Variants in NLRP4 observed in about 807,000 individuals in gnomAD.
NLRP4 encodes the protein NLR family pyrin domain containing 4, also known as NACHT, LRR and PYD domains-containing protein 4.
A neutral mutation model predicts 84.7 loss-of-function variants in NLRP4; 44 were observed. That is an observed-to-expected ratio of 0.52 (90% CI 0.41 to 0.67). The LOEUF (loss-of-function observed/expected upper bound fraction) is 0.67, where lower values mean the gene tolerates loss of function less well. NLRP4 is among the 30% of genes least tolerant of loss of function. The pLI, the probability that NLRP4 is intolerant of heterozygous loss-of-function variation, is 0.00. For synonymous variants in NLRP4, 544 were observed against 476.4 expected (o/e 1.14, Z -1.85); for missense variants, 1,260 against 1,219.4 (o/e 1.03, Z -0.50).
At chr19:55,862,985 G>T (rs1181212403) in intron 5 of NLRP4, among the ~76,000 whole-genome samples, 1 of 152,202 alleles carries the variant, frequency 6.6e-6, no homozygotes, top group Non-Finnish European at 1.5e-5. Context: ...CCACCTGGAG[G>T]TGCACATTCG....
chr19:55,881,298 A>C lies in NLRP4; in HGVS notation c.2868-172A>C, dbSNP rs868384915. Reference sequence around the variant, plus strand: ...GACTTTATTTATTTTCTGGGGATCCAGGGGTAACATTTATCAGCATACCGC... The same window carrying C: ...GACTTTATTTATTTTCTGGGGATCCCGGGGTAACATTTATCAGCATACCGC... On this transcript the variant is annotated intron_variant, in intron 9 of 9. Coordinates refer to ENST00000301295, the MANE Select transcript of NLRP4 (RefSeq NM_134444.5). Among the ~76,000 whole-genome samples, 4 of 152,322 alleles carry C rather than the reference A, an allele frequency of 2.6e-5. No homozygotes were observed. In the Middle Eastern group the frequency reaches 0.01, roughly 389 times the overall value.
chr19:55,837,507 T>G (rs1983392007), intron 1 of NLRP4, among the ~76,000 whole-genome samples: 1 of 152,150 alleles, frequency 6.6e-6, no homozygotes, highest in African/African-American at 2.4e-5. Flanking sequence ...TTATGCCATT[T>G]GTTTAGACTA....
intron 9 of NLRP4, 74 bp downstream of exon 9, chr19:55,879,038 T>A: frequency 8.6e-7 from 1 of 1,166,038 alleles, no homozygotes; most frequent in Non-Finnish European, 1.2e-6. Flanking sequence ...ACCTGCAGTG[T>A]AATCACGTTG....
At chr19:55,866,245 G>T (rs778036064) in intron 5 of NLRP4, among the ~76,000 whole-genome samples, 1 of 152,122 alleles carries the variant, frequency 6.6e-6, no homozygotes, top group Non-Finnish European at 1.5e-5. Flanking sequence ...TGCTGGTCAG[G>T]ATGGCCTTGA....
intron 9 of NLRP4, 57 bp downstream of exon 9, chr19:55,879,021 G>A: frequency 1.5e-6 from 2 of 1,347,426 alleles, no homozygotes; most frequent in Admixed American, 3.9e-5. Context: ...AGAAGGGATT[G>A]GCTGGGACCT....
Position 55,862,119 on chromosome 19 carries a change from G to A in NLRP4, c.2146G>A (p.Asp716Asn), listed in dbSNP as rs1380677481. 6.2e-7 allele frequency: 1 copy of A among 1,613,996 alleles called. No homozygotes were observed. The highest frequency in any genetic ancestry group is 8.5e-7 in the Non-Finnish European group (1 of 1,179,854). The change falls in exon 5 of 10, where the codon GAT becomes AAT. Residue 716 changes from aspartate to asparagine, a missense_variant. This residue lies in a region of NLRP4 where 544 missense variants were observed against 531.7 expected (regional missense o/e 1.02). Coordinates refer to ENST00000301295, the MANE Select transcript of NLRP4 (RefSeq NM_134444.5). ...TCGTGATGACATCAGGTCCCTCTGT[G>A]ATGCCTTGAACTACCCAGCAGGCAA... The part of the protein sequence containing the change: ...LSRDDIRSLC[D>N]ALNYPAGNVK...
At chr19:55,870,726 T>C in intron 6 of NLRP4, 101 bp from the exon 7 acceptor site, 1 of 797,118 alleles carries the variant, frequency 1.3e-6, no homozygotes, top group Non-Finnish European at 2.1e-6. Flanking sequence ...CTGGGGAGTT[T>C]GTAAGATTAT....
At chr19:55,865,067 T>G (rs1298561302) in intron 5 of NLRP4, among the ~76,000 whole-genome samples, 1 of 152,232 alleles carries the variant, frequency 6.6e-6, no homozygotes, top group Admixed American at 6.5e-5. Flanking sequence ...AAGTTTGGTG[T>G]ACAAATTATT....
At chr19:55,837,607 A>C (rs1395082501) in intron 1 of NLRP4, among the ~76,000 whole-genome samples, 2 of 151,470 alleles carry the variant, frequency 1.3e-5, no homozygotes, top group Admixed American at 6.6e-5. Flanking sequence ...CAACCCTAAA[A>C]ACACACACAC....
chr19:55,868,184 A>C (rs1255398549), intron 6 of NLRP4, among the ~76,000 whole-genome samples: 2 of 152,252 alleles, frequency 1.3e-5, no homozygotes, highest in African/African-American at 2.4e-5. Flanking sequence ...ATGCACCTGC[A>C]ACACACATGG....
At chr19:55,841,068 C>T (rs777405650) in intron 1 of NLRP4, among the ~76,000 whole-genome samples, 2 of 152,166 alleles carry the variant, frequency 1.3e-5, no homozygotes, top group Admixed American at 6.5e-5. Context: ...TGTTTGGACA[C>T]ATATATCCAT....
chr19:55,863,592 C>A (rs557894179), intron 5 of NLRP4, among the ~76,000 whole-genome samples: 1 of 152,200 alleles, frequency 6.6e-6, no homozygotes, highest in Non-Finnish European at 1.5e-5. Context: ...ATTCCGTCAC[C>A]CCCCAGGCCC....
Position 55,861,438 on chromosome 19 carries a change from A to T in NLRP4, c.1909A>T (p.Ser637Cys). 6.2e-7 allele frequency: 1 copy of T among 1,614,118 alleles called. No homozygotes were observed. ...WHHICSVLTT[S>C]GHLRELQVQD... is the part of the protein sequence containing the mutation. ...TCACATCTGCTCTGTGCTCACCACC[A>T]GCGGGCACCTCAGAGAGCTCCAGGT... is the stretch of plus-strand genomic sequence containing the variant. The change falls in exon 4 of 10, where the codon AGC becomes TGC. Residue 637 changes from serine to cysteine, a missense_variant. By Grantham distance (112) the Ser-to-Cys change is moderately radical (BLOSUM62 -1). This residue lies in a region of NLRP4 where 544 missense variants were observed against 531.7 expected (regional missense o/e 1.02). Coordinates refer to ENST00000301295, the MANE Select transcript of NLRP4 (RefSeq NM_134444.5).
rs781487508 is a variant in NLRP4, at chr19:55,862,063, A to G, written c.2090A>G (p.Lys697Arg). The change falls in exon 5 of 10, where the codon AAA becomes AGA. Residue 697 changes from lysine (K) to arginine (R), a missense_variant. This residue lies in a region of NLRP4 where 544 missense variants were observed against 531.7 expected (regional missense o/e 1.02). Transcript: ENST00000301295. ...GTGCTCTTTTATCAGCCAGACTTGA[A>G]ATACCTGAGCTTCACCCTCACGAAA... ...FEVLFYQPDL[K>R]YLSFTLTKLS... 8.7e-6 allele frequency: 14 copies of G among 1,612,884 alleles called. No individual in the cohort carries two copies. The East Asian group carries it at 2.9e-4, about 33-fold the overall frequency.
chr19:55,837,987 G>C (rs1180023339), intron 1 of NLRP4, among the ~76,000 whole-genome samples: 2 of 139,856 alleles, frequency 1.4e-5, no homozygotes, highest in African/African-American at 2.8e-5. Context: ...AGTGTGCCGA[G>C]ATTGCACCAT....
intron 7 of NLRP4, among the ~76,000 whole-genome samples, chr19:55,873,703 C>T (rs1158230599): frequency 6.6e-6 from 1 of 152,140 alleles, no homozygotes; most frequent in Non-Finnish European, 1.5e-5. Flanking sequence ...GCTTACGCAA[C>T]TGTATGAATC....
intron 2 of NLRP4, among the ~76,000 whole-genome samples, chr19:55,853,375 A>G (rs1354352133): frequency 6.6e-6 from 1 of 151,546 alleles, no homozygotes; most frequent in Non-Finnish European, 1.5e-5. Flanking sequence ...TTCTTCTGGG[A>G]CTCCAGTTAC....
chr19:55,876,320 CTG>C (rs1184080470), intron 7 of NLRP4, among the ~76,000 whole-genome samples: 1 of 152,152 alleles, frequency 6.6e-6, no homozygotes, highest in Non-Finnish European at 1.5e-5. Context: ...AGTCCAAAAT[CTG>C]TAGATGCTCA....
intron 5 of NLRP4, among the ~76,000 whole-genome samples, chr19:55,863,679 C>A (rs980409412): frequency 7.9e-5 from 12 of 152,080 alleles, no homozygotes; most frequent in Non-Finnish European, 1.3e-4. Flanking sequence ...ACAGCGGTTA[C>A]TTTTGTTAAG....
Sources: allele counts gnomAD v4.1 joint callset (sites outside exome capture counted in the v4.1 genomes callset), GRCh38; gene constraint gnomAD v4.1.1; regional missense constraint gnomAD v4.1.1; transcripts MANE v1.5; gene names NCBI Gene and HGNC (gene_info 2026-07-23, HGNC 2026-07-21).